RPA2: variants seen among roughly 807,000 people sequenced by gnomAD.
RPA2 encodes replication protein A2.
In RPA2, 22 loss-of-function variants were observed where a neutral mutation model predicts 33.4. The observed-to-expected ratio is 0.66, with a 90% CI of 0.47 to 0.94. RPA2 has a LOEUF of 0.94. RPA2 is among the 40% of genes least tolerant of loss of function. The pLI is 0.00. For synonymous variants in RPA2, 109 were observed against 114.9 expected, an observed-to-expected ratio of 0.95 and a Z score of 0.33; for missense variants, 279 against 329.9, an observed-to-expected ratio of 0.85 and a Z score of 1.19.
At chr1:27,900,722 T>C (rs2089957597) in intron 4 of RPA2, among the ~76,000 whole-genome samples, 1 of 152,094 alleles carries the variant, frequency 6.6e-6, no homozygotes, top group South Asian at 2.1e-4. Context: ...TGGAGGGCAG[T>C]GGCACAATTT....
upstream of RPA2, chr1:27,914,655 G>GC (rs751290694): frequency 6.2e-7 from 1 of 1,613,664 alleles, no homozygotes; most frequent in South Asian, 1.1e-5. Context: ...TGTCTCCTCT[G>GC]CCCATGCTCC....
At chr1:27,912,504 A>G (rs186963036) in intron 2 of RPA2, among the ~76,000 whole-genome samples, 2 of 152,256 alleles carry the variant, frequency 1.3e-5, no homozygotes, top group Admixed American at 1.3e-4. Flanking sequence ...GTGAGCTGTG[A>G]TCACACACCA....
intron 6 of RPA2, 84 bp downstream of exon 6, chr1:27,896,921 T>C: frequency 1.0e-6 from 1 of 978,842 alleles, no homozygotes; most frequent in Non-Finnish European, 1.6e-6. Context: ...GCCTTCAAAA[T>C]ATCAAGGAAA....
rs778679515 is a variant in RPA2 at position 27,897,681 on chromosome 1, A to C, written c.360T>G (p.Val120=). The change falls in exon 5 of 9, where the codon GTT becomes GTG. Residue 120 remains valine (V), a synonymous_variant. Coordinates refer to ENST00000373912, the MANE Select transcript of RPA2 (RefSeq NM_002946.5). The part of the protein sequence containing the change: ...TDDTSSENTV[V]PPETYVKVAG... ...CCACTTTCACATATGTTTCTGGAGG[A>C]ACCACAGTGTTTTCACTGCTGGTGT... The C allele has an allele frequency of 1.2e-6, 2 of 1,602,102 alleles. No homozygotes were observed. Among genetic ancestry groups the C allele is most frequent in the Admixed American group, 3.4e-5 (2 of 58,682 alleles).
intron 4 of RPA2, among the ~76,000 whole-genome samples, chr1:27,906,546 C>G (rs1384787276): frequency 6.9e-6 from 1 of 144,838 alleles, no homozygotes; most frequent in Non-Finnish European, 1.5e-5. Flanking sequence ...AAAAATTAGC[C>G]GGGCGTGGTG....
chr1:27,907,713 G>C (rs1466262825), intron 2 of RPA2, among the ~76,000 whole-genome samples: 2 of 152,208 alleles, frequency 1.3e-5, no homozygotes, highest in Non-Finnish European at 2.9e-5. Context: ...ATGGAGACAG[G>C]ACTTTGGAAT....
intron 4 of RPA2, among the ~76,000 whole-genome samples, chr1:27,902,432 C>T (rs564127200): frequency 1.3e-5 from 2 of 151,650 alleles, no homozygotes; most frequent in African/African-American, 4.8e-5. Flanking sequence ...TACAGGCGTG[C>T]ACCACCATGC....
At chr1:27,900,895 C>A (rs1557468066) in intron 4 of RPA2, among the ~76,000 whole-genome samples, 2 of 152,164 alleles carry the variant, frequency 1.3e-5, no homozygotes, top group Non-Finnish European at 2.9e-5. Flanking sequence ...AAACTCCTGA[C>A]CTCAAATGAT....
intron 2 of RPA2, among the ~76,000 whole-genome samples, chr1:27,909,604 C>T (rs1180836174): frequency 6.6e-6 from 1 of 151,980 alleles, no homozygotes; most frequent in Non-Finnish European, 1.5e-5. Flanking sequence ...ATCCCAGCTA[C>T]TGGGGAGGCT....
chr1:27,892,298 G>C lies in RPA2; in HGVS notation c.729-51C>G, dbSNP rs1435949232. 6.7e-6 allele frequency: 10 copies of C among 1,491,492 alleles called. No homozygotes were observed. In the South Asian group the frequency reaches 1.0e-4, roughly 15 times the overall value. 92.4% of individuals were successfully genotyped at this position (1,491,492 alleles called of 1,614,324 possible). A position where few individuals can be genotyped will look rare whatever the true frequency, so the allele number is the denominator to read the frequency against. ...GGTCATTTTCAGGCCAATTCAGAAGGAAACTGCCTTTTGGATATGGCCAAA... is the reference window on the plus strand; with the variant it reads ...GGTCATTTTCAGGCCAATTCAGAAGCAAACTGCCTTTTGGATATGGCCAAA... On this transcript the variant is annotated intron_variant, in intron 8 of 8. Coordinates refer to ENST00000373912, the MANE Select transcript of RPA2 (RefSeq NM_002946.5).
At chr1:27,905,716 CT>C (rs1261747395) in intron 4 of RPA2, among the ~76,000 whole-genome samples, 1 of 152,044 alleles carries the variant, frequency 6.6e-6, no homozygotes, top group Non-Finnish European at 1.5e-5. Context: ...CAAGCTCCGC[CT>C]CCCAGCTTCA....
At chr1:27,903,611 C>T (rs769035325) in intron 4 of RPA2, among the ~76,000 whole-genome samples, 4 of 151,298 alleles carry the variant, frequency 2.6e-5, no homozygotes, top group East Asian at 2.0e-4. Flanking sequence ...CCCAACTACT[C>T]GAGAGGCTGA....
At chr1:27,914,379 T>C (rs371883920) in intron 1 of RPA2, 55 bp downstream of exon 1, 8 of 1,613,936 alleles carry the variant, frequency 5.0e-6, no homozygotes, top group Non-Finnish European at 6.8e-6. Context: ...GCTCGCCCTC[T>C]TGCTAAAACC....
intron 6 of RPA2, among the ~76,000 whole-genome samples, chr1:27,896,751 A>G (rs1170468591): frequency 1.3e-5 from 2 of 152,142 alleles, no homozygotes; most frequent in African/African-American, 2.4e-5. Flanking sequence ...TTACATGTCT[A>G]CACCTGAGGG....
At chr1:27,911,177 C>T (rs1377347691) in intron 2 of RPA2, among the ~76,000 whole-genome samples, 2 of 151,962 alleles carry the variant, frequency 1.3e-5, no homozygotes, top group African/African-American at 4.8e-5. Context: ...GATTGTTCCA[C>T]TGCACTCTGG....
At chr1:27,898,826 G>A (rs2089925652) in intron 4 of RPA2, among the ~76,000 whole-genome samples, 1 of 151,872 alleles carries the variant, frequency 6.6e-6, no homozygotes, top group Non-Finnish European at 1.5e-5. Context: ...CAAAGTGCTG[G>A]GATTACAGGC....
At chr1:27,914,341 C>T (rs2090141136) in intron 1 of RPA2, 93 bp downstream of exon 1, 1 of 1,613,850 alleles carries the variant, frequency 6.2e-7, no homozygotes, top group East Asian at 2.2e-5. Flanking sequence ...CCTTCCTCTC[C>T]CGCTACCACA....
intron 2 of RPA2, among the ~76,000 whole-genome samples, chr1:27,911,911 T>C (rs1357789531): frequency 6.6e-6 from 1 of 151,790 alleles, no homozygotes; most frequent in African/African-American, 2.4e-5. Flanking sequence ...GCCAACATGG[T>C]ACAACCCTGT....
chr1:27,904,121 C>T (rs528634786), intron 4 of RPA2, among the ~76,000 whole-genome samples: 17 of 150,358 alleles, frequency 1.1e-4, no homozygotes, highest in African/African-American at 3.9e-4. Flanking sequence ...CTGGAGATCG[C>T]GCCATTGCAC....
Sources: gnomAD v4.1 joint callset for allele counts (sites outside exome capture counted in the v4.1 genomes callset) on GRCh38, gnomAD v4.1.1 for gene constraint, MANE v1.5 for transcripts, NCBI Gene and HGNC (gene_info 2026-07-23, HGNC 2026-07-21) for gene names.